SELENOT: variants seen among roughly 807,000 people sequenced by gnomAD.
The protein encoded by SELENOT is thioredoxin reductase-like selenoprotein T.
A neutral mutation model predicts 24.3 loss-of-function variants in SELENOT; 9 were observed. The observed-to-expected ratio is 0.37, with a 90% CI of 0.22 to 0.65. The LOEUF is 0.65. Ranked by LOEUF, SELENOT falls within the 30% of genes least tolerant of loss-of-function variation. The pLI, the probability that SELENOT is intolerant of heterozygous loss-of-function variation, is 0.60. For missense variants in SELENOT, 166 were observed against 247.6 expected (o/e 0.67, Z 2.21); for synonymous variants, 81 against 86.0 (o/e 0.94, Z 0.32).
intron 1 of SELENOT, among the ~76,000 whole-genome samples, chr3:150,621,797 C>G (rs1726351970): frequency 6.6e-6 from 1 of 151,950 alleles, no homozygotes; most frequent in Non-Finnish European, 1.5e-5. Context: ...TAGAAGGGTT[C>G]TAAGTCTAAG....
rs1304930185 is a variant in SELENOT, at chr3:150,611,819, C to G, written c.137+8320C>G. On this transcript the variant is annotated intron_variant, in intron 1 of 5. Coordinates refer to ENST00000471696, the MANE Select transcript of SELENOT (RefSeq NM_016275.5). ...CCCGATTTCCCGGACGAGGCACTGG[C>G]GACCACAGCGGCCACTGCGGCTGCC... is the stretch of plus-strand genomic sequence containing the variant. 6 of 960,316 alleles carry G rather than the reference C, an allele frequency of 6.2e-6. No individual in the cohort carries two copies. In the Admixed American group the frequency reaches 8.1e-5, roughly 13 times the overall value. 59.5% of individuals were successfully genotyped at this position (960,316 alleles called of 1,614,324 possible). A position where few individuals can be genotyped will look rare whatever the true frequency, so the allele number is the denominator to read the frequency against.
At chr3:150,621,629 T>TTC (rs1229995942) in intron 1 of SELENOT, among the ~76,000 whole-genome samples, 3 of 147,962 alleles carry the variant, frequency 2.0e-5, no homozygotes, top group African/African-American at 7.5e-5. Flanking sequence ...TTTTTTTTTT[T>TTC]TTTTTTTGCT....
chr3:150,622,468 A>G lies in SELENOT; in HGVS notation c.221A>G (p.Glu74Gly). ...QRYPDIRIEG[E>G]NYLPQPIYRH... ...TACCCAGACATCCGCATTGAAGGAG[A>G]GAATTACCTCCCTCAACCAATATAT... is the stretch of plus-strand genomic sequence containing the variant. Residue 74 changes from glutamate (E) to glycine (G), a missense_variant, in exon 2 of 6, where the codon GAG becomes GGG. This residue lies in a region of SELENOT where 71 missense variants were observed against 89.2 expected (regional missense o/e 0.80). Coordinates refer to ENST00000471696, the MANE Select transcript of SELENOT (RefSeq NM_016275.5). 6.7e-7 allele frequency: 1 copy of G among 1,499,296 alleles called. No homozygotes were observed. Among genetic ancestry groups the G allele is most frequent in the Non-Finnish European group, 9.0e-7 (1 of 1,113,564 alleles). 92.9% of individuals were successfully genotyped at this position (1,499,296 alleles called of 1,614,324 possible). A position where few individuals can be genotyped will look rare whatever the true frequency, so the allele number is the denominator to read the frequency against.
At chr3:150,619,750 T>C (rs529915924) in intron 1 of SELENOT, among the ~76,000 whole-genome samples, 2 of 152,348 alleles carry the variant, frequency 1.3e-5, no homozygotes, top group South Asian at 4.1e-4. Flanking sequence ...ACTAGCTCTT[T>C]ACCATGTATA....
At position 150,611,133 on chromosome 3, in the gene SELENOT, TA is replaced by T. The variant is rs1167738514; in HGVS notation, c.137+7635del. 12 of 590,770 alleles carry T rather than the reference TA, an allele frequency of 2.0e-5. No homozygotes were observed. The African/African-American group carries it at 2.1e-4, about 10-fold the overall frequency. 36.6% of individuals were successfully genotyped at this position (590,770 alleles called of 1,614,324 possible). A position where few individuals can be genotyped will look rare whatever the true frequency, so the allele number is the denominator to read the frequency against. Reference sequence around the variant, plus strand: ...TTTACATGAGTTTCCAACTAATTATTAGAGTCAGAAACAAAGAAAATAAAAT... The same window carrying T: ...TTTACATGAGTTTCCAACTAATTATTGAGTCAGAAACAAAGAAAATAAAAT... On this transcript the variant is annotated intron_variant, in intron 1 of 5. Transcript: ENST00000471696.
At position 150,603,464 on chromosome 3, in the gene SELENOT, G is replaced by A; in HGVS notation, c.102G>A (p.Gln34=). The stretch of plus-strand genomic sequence containing the variant: ...TGCCCAGCAAGAGATTAAAGATGCA[G>A]TACGCCACGGGGCCGCTGCTCAAGT... ...GGVPSKRLKM[Q]YATGPLLKFQ... is the part of the protein sequence containing the mutation. The change falls in exon 1 of 6, where the codon CAG becomes CAA. Residue 34 remains glutamine, a synonymous_variant. Coordinates refer to ENST00000471696, the MANE Select transcript of SELENOT (RefSeq NM_016275.5). 1 of 1,611,412 alleles carries A rather than the reference G, an allele frequency of 6.2e-7. No homozygotes were observed. The highest frequency in any genetic ancestry group is 8.5e-7 in the Non-Finnish European group (1 of 1,178,238).
rs187641205 is a variant in SELENOT, at chr3:150,610,387, T to A, written c.137+6888T>A. Among the ~76,000 whole-genome samples the A allele has an allele frequency of 5.5e-4, 84 of 152,374 alleles. No homozygotes were observed. In the East Asian group the frequency reaches 0.016, roughly 28 times the overall value. ...CTTCAAATTCAGGATGGCACTGTGT[T>A]TGGTTTTTCTTCAAGTTTGCATCTT... is the stretch of plus-strand genomic sequence containing the variant. On this transcript the variant is annotated intron_variant, in intron 1 of 5. Transcript: ENST00000471696.
At position 150,629,354 on chromosome 3, in the gene SELENOT, ATTG is replaced by A. The variant is rs1244794172; in HGVS notation, c.*1728_*1730del. The A allele has an allele frequency of 9.2e-5, 14 of 152,634 alleles. No individual in the cohort carries two copies. Among genetic ancestry groups the A allele is most frequent in the African/African-American group, 2.9e-4 (12 of 41,458 alleles). 9.5% of individuals were successfully genotyped at this position (152,634 alleles called of 1,614,324 possible). A position where few individuals can be genotyped will look rare whatever the true frequency, so the allele number is the denominator to read the frequency against. ...AGATTGTTATTCAAGTTCCTTAGAAATTGTTATTTAGGTATAATATCATCTTGT... is the reference window on the plus strand; with the variant it reads ...AGATTGTTATTCAAGTTCCTTAGAAATTATTTAGGTATAATATCATCTTGT... On this transcript the variant is annotated 3_prime_UTR_variant, in exon 6 of 6. Transcript: ENST00000471696.
chr3:150,628,495 A>C lies in SELENOT; in HGVS notation c.*866A>C, dbSNP rs1726488677. 1 of 152,440 alleles carries C rather than the reference A, an allele frequency of 6.6e-6. No homozygotes were observed. Among genetic ancestry groups the C allele is most frequent in the South Asian group, 2.1e-4 (1 of 4,828 alleles). The allele number at this position is 152,440 out of a possible 1,614,324, so 9.4% of individuals were successfully genotyped here. ...TCTTAAGAGTACACACTTTAGATAC[A>C]CAAATAATCGTTCATTTACCATCTT... On this transcript the variant is annotated 3_prime_UTR_variant, in exon 6 of 6. Transcript: ENST00000471696.
intron 4 of SELENOT, among the ~76,000 whole-genome samples, chr3:150,625,614 A>C (rs1726422418): frequency 6.6e-6 from 1 of 152,142 alleles, no homozygotes; most frequent in Admixed American, 6.6e-5. Context: ...CTATGAGCTA[A>C]TAATGTTTTT....
At chr3:150,617,098 A>C (rs1320898339) in intron 1 of SELENOT, among the ~76,000 whole-genome samples, 5 of 152,238 alleles carry the variant, frequency 3.3e-5, no homozygotes, top group Non-Finnish European at 7.3e-5. Flanking sequence ...CCCAGTTGTA[A>C]TAGAAAAAGC....
chr3:150,603,522 G>A, intron 1 of SELENOT, 23 bp downstream of exon 1: 1 of 1,558,594 alleles, frequency 6.4e-7, no homozygotes, highest in African/African-American at 1.4e-5. Context: ...ACTGGGCCCC[G>A]GCCACCCCGC....
At chr3:150,606,044 C>G (rs1296520394) in intron 1 of SELENOT, among the ~76,000 whole-genome samples, 1 of 151,740 alleles carries the variant, frequency 6.6e-6, no homozygotes, top group African/African-American at 2.4e-5. Flanking sequence ...ACCACTTTTG[C>G]AATTGTTAGT....
At position 150,630,132 on chromosome 3, in the gene SELENOT, C is replaced by T. The variant is rs561022574; in HGVS notation, c.*2503C>T. On this transcript the variant is annotated 3_prime_UTR_variant, in exon 6 of 6. Coordinates refer to ENST00000471696, the MANE Select transcript of SELENOT (RefSeq NM_016275.5). ...TAAGTGATATTATTTGCTTATGACA[C>T]TAACACTATTAATGACAGGAGTCAA... The T allele has an allele frequency of 1.3e-5, 2 of 152,252 alleles. No individual in the cohort carries two copies. Among genetic ancestry groups the T allele is most frequent in the East Asian group, 3.9e-4 (2 of 5,192 alleles). 9.4% of individuals were successfully genotyped at this position (152,252 alleles called of 1,614,324 possible).
chr3:150,622,130 C>CA, intron 1 of SELENOT, among the ~76,000 whole-genome samples: 1 of 147,652 alleles, frequency 6.8e-6, no homozygotes, highest in South Asian at 2.1e-4. Flanking sequence ...TTTTTTTAAA[C>CA]AAAAAAATCA....
At chr3:150,609,298 C>A (rs1726033144) in intron 1 of SELENOT, among the ~76,000 whole-genome samples, 1 of 152,146 alleles carries the variant, frequency 6.6e-6, no homozygotes, top group South Asian at 2.1e-4. Flanking sequence ...ACTGCTAGTC[C>A]TTTTCCTGCT....
chr3:150,620,484 C>A (rs767347558), intron 1 of SELENOT, among the ~76,000 whole-genome samples: 14 of 152,304 alleles, frequency 9.2e-5, no homozygotes, highest in Middle Eastern at 3.4e-3. Context: ...AGGACCGTAT[C>A]TGTGTTACTC....
chr3:150,620,864 T>G (rs1349041983), intron 1 of SELENOT, among the ~76,000 whole-genome samples: 2 of 152,230 alleles, frequency 1.3e-5, no homozygotes, highest in African/African-American at 4.8e-5. Flanking sequence ...TTTTTTATAT[T>G]TGCCTTTGCT....
intron 1 of SELENOT, 103 bp downstream of exon 1, chr3:150,603,602 T>G: frequency 7.5e-7 from 1 of 1,325,254 alleles, no homozygotes; most frequent in East Asian, 2.6e-5. Context: ...GCATCTTCGC[T>G]GGCCTCGTAG....
Sources: allele counts gnomAD v4.1 joint callset (sites outside exome capture counted in the v4.1 genomes callset), GRCh38; gene constraint gnomAD v4.1.1; regional missense constraint gnomAD v4.1.1; transcripts MANE v1.5; gene names NCBI Gene and HGNC (gene_info 2026-07-23, HGNC 2026-07-21).